The following CCNB3 variants were observed in gnomAD, a reference collection of about 807,000 sequenced individuals.
CCNB3 encodes cyclin B3.
A neutral mutation model predicts 68.0 loss-of-function variants in CCNB3; 12 were observed. The observed-to-expected ratio is 0.18, with a 90% CI of 0.11 to 0.29. The LOEUF (loss-of-function observed/expected upper bound fraction) is 0.29. CCNB3 is among the 10% of genes least tolerant of loss of function. The probability of loss-of-function intolerance (pLI) is 1.00; values close to 1 mark genes in which losing one functional copy is unlikely to be tolerated. For synonymous variants in CCNB3, 354 were observed against 388.9 expected, an observed-to-expected ratio of 0.91 and a Z score of 1.06; for missense variants, 904 against 993.1, an observed-to-expected ratio of 0.91 and a Z score of 1.21.
intron 1 of CCNB3, among the ~76,000 whole-genome samples, chrX:50,227,630 AATAC>A (rs1323755593): frequency 3.0e-5 from 1 of 33,414 alleles, no homozygotes; most frequent in Admixed American, 4.6e-4. Flanking sequence ...ATATAGAGAG[AATAC>A]ATATATATAG....
At chrX:50,279,823 A>C (rs1168011043) in intron 1 of CCNB3, among the ~76,000 whole-genome samples, 1 of 88,148 alleles carries the variant, frequency 1.1e-5, no homozygotes, top group African/African-American at 4.2e-5. Context: ...TATGGTATTT[A>C]TATAAATACA....
At chrX:50,326,449 C>T (rs1242088638) in intron 8 of CCNB3, among the ~76,000 whole-genome samples, 15 of 111,329 alleles carry the variant, frequency 1.3e-4, no homozygotes, top group African/African-American at 4.9e-4. Flanking sequence ...CATTATTACC[C>T]GTCTTCCTTT....
chrX:50,328,921 G>A (rs1259970066), intron 8 of CCNB3, among the ~76,000 whole-genome samples: 3 of 112,551 alleles, frequency 2.7e-5, no homozygotes, highest in Non-Finnish European at 3.8e-5. Context: ...ATCTCAAGCC[G>A]TGTCATTTAA....
At position 50,222,492 on chromosome X, in the gene CCNB3, T is replaced by C. The variant is rs1056048121; in HGVS notation, c.-113+17542T>C. The stretch of plus-strand genomic sequence containing the variant: ...ACAAAAATCTCTCAGCATTTGCTTG[T>C]CTGTAAAGGATTTTATTTCTCCTTT... On this transcript the variant is annotated intron_variant, in intron 1 of 12. Transcript: ENST00000376042. Among the ~76,000 whole-genome samples, 15 of 111,759 alleles carry C rather than the reference T, an allele frequency of 1.3e-4. No homozygotes were observed. The East Asian group carries it at 3.3e-3, about 25-fold the overall frequency.
At chrX:50,321,169 A>G (rs1921995385) in intron 8 of CCNB3, among the ~76,000 whole-genome samples, 1 of 111,928 alleles carries the variant, frequency 8.9e-6, no homozygotes. Flanking sequence ...CTGAAATGTC[A>G]TGACCATTTA....
At chrX:50,285,034 G>T (rs1466308820) in intron 2 of CCNB3, 93 bp from the exon 3 acceptor site, 4 of 487,996 alleles carry the variant, frequency 8.2e-6, no homozygotes, top group African/African-American at 7.1e-5. Flanking sequence ...TTCTCCTAGG[G>T]ATGCTATAGA....
chrX:50,323,706 G>A (rs1298088073), intron 8 of CCNB3, among the ~76,000 whole-genome samples: 1 of 111,630 alleles, frequency 9.0e-6, no homozygotes, highest in Non-Finnish European at 1.9e-5. Context: ...TACAATTTTT[G>A]CATCTTTGCT....
intron 1 of CCNB3, among the ~76,000 whole-genome samples, chrX:50,228,500 T>A (rs1935970806): frequency 1.1e-5 from 1 of 90,937 alleles, no homozygotes; most frequent in Non-Finnish European, 2.1e-5. Context: ...AGGATATATC[T>A]ACATAGAATA....
At chrX:50,316,929 G>A (rs1299664438) in intron 8 of CCNB3, among the ~76,000 whole-genome samples, 2 of 112,286 alleles carry the variant, frequency 1.8e-5, no homozygotes, top group Non-Finnish European at 3.8e-5. Context: ...TTTATGTGAA[G>A]ATATGTTTTA....
rs189634694 is a variant in CCNB3 at position 50,298,791 on chromosome X, T to C, written c.335+3798T>C. Among the ~76,000 whole-genome samples the C allele has an allele frequency of 2.7e-5, 3 of 111,738 alleles. 1 individual carries two copies. The Admixed American group carries it at 2.8e-4, about 11-fold the overall frequency. On this transcript the variant is annotated intron_variant, in intron 5 of 12. Transcript: ENST00000376042. Reference sequence around the variant, plus strand: ...CTTTTTTTGGTTGGTAAGCTATTAATTATTGCCTCAATTTCAGAGTCTGTT... The same window carrying C: ...CTTTTTTTGGTTGGTAAGCTATTAACTATTGCCTCAATTTCAGAGTCTGTT...
At chrX:50,321,289 G>A (rs1557216536) in intron 8 of CCNB3, among the ~76,000 whole-genome samples, 2 of 111,818 alleles carry the variant, frequency 1.8e-5, no homozygotes, top group African/African-American at 6.5e-5. Flanking sequence ...TGTTATTTTA[G>A]TTAGCTGTAC....
chrX:50,208,607 G>A (rs75006816), intron 1 of CCNB3, among the ~76,000 whole-genome samples: 1 of 112,203 alleles, frequency 8.9e-6, no homozygotes, highest in Non-Finnish European at 1.9e-5. Flanking sequence ...CATGGTATAT[G>A]TTAAATAATA....
intron 1 of CCNB3, among the ~76,000 whole-genome samples, chrX:50,228,447 A>G (rs1486351625): frequency 2.2e-5 from 2 of 92,467 alleles, no homozygotes; most frequent in South Asian, 9.6e-4. Context: ...ATATAGCTAT[A>G]TAGAATATAT....
intron 9 of CCNB3, among the ~76,000 whole-genome samples, chrX:50,343,782 A>C: frequency 8.9e-6 from 1 of 112,716 alleles, no homozygotes; most frequent in Non-Finnish European, 1.9e-5. Context: ...ACAGCTTTAT[A>C]CTGTGTTTGT....
chrX:50,349,238 G>A (rs1328729177), intron 11 of CCNB3, among the ~76,000 whole-genome samples: 1 of 112,188 alleles, frequency 8.9e-6, no homozygotes. Context: ...AGTGTGTTGT[G>A]TTTAGGGCAG....
At chrX:50,333,113 A>G (rs1239431909) in intron 8 of CCNB3, among the ~76,000 whole-genome samples, 2 of 111,574 alleles carry the variant, frequency 1.8e-5, no homozygotes, top group African/African-American at 6.5e-5. Context: ...ACCTTTCCGG[A>G]ACTCTGAGGT....
intron 5 of CCNB3, among the ~76,000 whole-genome samples, chrX:50,303,303 C>T (rs1489731842): frequency 1.8e-5 from 2 of 110,739 alleles, no homozygotes; most frequent in East Asian, 5.7e-4. Context: ...CCACAACCAC[C>T]TCCGGCTAAT....
Position 50,347,699 on chromosome X carries a change from A to G in CCNB3, c.3884A>G (p.Tyr1295Cys), listed in dbSNP as rs200314516. 1.7e-6 allele frequency: 2 copies of G among 1,210,946 alleles called. No individual in the cohort carries two copies. Among genetic ancestry groups the G allele is most frequent in the South Asian group, 1.8e-5 (1 of 56,872 alleles). ...GAGATGACCCTGCAGGAATACCACT[A>G]TGTCCAGGAGAAGGCTTCCAAGCTA... Reference protein sequence around the residue: ...ICEMTLQEYHYVQEKASKLAA... With the variant: ...ICEMTLQEYHCVQEKASKLAA... Residue 1295 changes from tyrosine (Y) to cysteine (C), a missense_variant, in exon 11 of 13, where the codon TAT becomes TGT. By Grantham distance (194) the Tyr-to-Cys change is radical. Around this residue, in one of 2 missense-constraint regions of CCNB3, gnomAD observed 285 missense variants for 383.4 expected, o/e 0.74. Transcript: ENST00000376042.
intron 5 of CCNB3, among the ~76,000 whole-genome samples, chrX:50,307,748 T>A (rs1557213762): frequency 1.8e-5 from 2 of 111,321 alleles, no homozygotes; most frequent in East Asian, 5.6e-4. Flanking sequence ...GATATACCTC[T>A]ATGGGTATGT....
Sources: gnomAD v4.1 joint callset for allele counts (sites outside exome capture counted in the v4.1 genomes callset) on GRCh38, gnomAD v4.1.1 for gene constraint, gnomAD v4.1.1 regional missense constraint, MANE v1.5 for transcripts, NCBI Gene and HGNC (gene_info 2026-07-23, HGNC 2026-07-21) for gene names.